ADCY2: variants seen among roughly 807,000 people sequenced by gnomAD.
ADCY2 encodes the protein adenylate cyclase 2.
Under a neutral mutation model 125.2 loss-of-function variants are expected in ADCY2, and 31 were observed. That is an observed-to-expected ratio of 0.25 (90% CI 0.19 to 0.33). The LOEUF (loss-of-function observed/expected upper bound fraction) is 0.33, where lower values mean the gene tolerates loss of function less well. Ranked by LOEUF, ADCY2 falls within the 10% of genes least tolerant of loss-of-function variation. The pLI is 1.00. For missense variants in ADCY2, 904 were observed against 1,418.2 expected, an observed-to-expected ratio of 0.64 and a Z score of 5.82; for synonymous variants, 512 against 548.4, an observed-to-expected ratio of 0.93 and a Z score of 0.93.
chr5:7,814,332 T>A (rs888473832), intron 22 of ADCY2, among the ~76,000 whole-genome samples: 2 of 152,156 alleles, frequency 1.3e-5, no homozygotes, highest in African/African-American at 4.8e-5. Flanking sequence ...GGAGCAATTT[T>A]ACTCCTCCCC....
intron 2 of ADCY2, among the ~76,000 whole-genome samples, chr5:7,436,814 A>G (rs981894969): frequency 6.6e-6 from 1 of 152,172 alleles, no homozygotes; most frequent in African/African-American, 2.4e-5. Context: ...CACTTTTGTG[A>G]TGGGAGTGGG....
intron 2 of ADCY2, among the ~76,000 whole-genome samples, chr5:7,493,759 A>G (rs1743249635): frequency 6.6e-6 from 1 of 152,176 alleles, no homozygotes; most frequent in Admixed American, 6.5e-5. Context: ...ATCACGGGAT[A>G]CAACAACTGC....
intron 5 of ADCY2, 91 bp downstream of exon 5, chr5:7,690,930 C>A: frequency 7.4e-7 from 1 of 1,350,394 alleles, no homozygotes; most frequent in South Asian, 1.9e-5. Context: ...ATCACCATCT[C>A]TCCTTTGTGA....
At chr5:7,590,583 G>A (rs1175401379) in intron 3 of ADCY2, among the ~76,000 whole-genome samples, 2 of 150,840 alleles carry the variant, frequency 1.3e-5, no homozygotes, top group Admixed American at 6.6e-5. Flanking sequence ...AAAAAAAAAA[G>A]CAAGACTTTT....
rs73046379 is a variant in ADCY2 at position 7,530,382 on chromosome 5, T to C, written c.570+9483T>C. Among the ~76,000 whole-genome samples the C allele has an allele frequency of 1.2e-3, 179 of 152,276 alleles. 3 individuals are homozygous for C. The highest frequency in any genetic ancestry group is 6.8e-3 in the Middle Eastern group (2 of 294). The stretch of plus-strand genomic sequence containing the variant: ...GTTGGATCATACATGTGTAAGACTG[T>C]CAGAGCCCAAGTCTGGTTCTGATTG... On this transcript the variant is annotated intron_variant, in intron 3 of 24. Coordinates refer to ENST00000338316, the MANE Select transcript of ADCY2 (RefSeq NM_020546.3).
intron 4 of ADCY2, among the ~76,000 whole-genome samples, chr5:7,658,431 GTATATATA>G (rs1554029046): frequency 1.4e-5 from 2 of 142,912 alleles, no homozygotes; most frequent in South Asian, 2.2e-4. Context: ...GTGTGTGTGT[GTATATATA>G]TATATATTTG....
At chr5:7,410,397 A>G (rs1479057906) in intron 1 of ADCY2, among the ~76,000 whole-genome samples, 11 of 152,210 alleles carry the variant, frequency 7.2e-5, no homozygotes, top group Admixed American at 7.2e-4. Flanking sequence ...TACTGCGTGG[A>G]AAAACATCTA....
intron 16 of ADCY2, among the ~76,000 whole-genome samples, chr5:7,757,820 C>T (rs1225998717): frequency 1.3e-5 from 2 of 152,182 alleles, no homozygotes; most frequent in African/African-American, 2.4e-5. Flanking sequence ...TTTGCAACAC[C>T]AGTTGCTGCC....
chr5:7,557,201 A>ATG, intron 3 of ADCY2, among the ~76,000 whole-genome samples: 1 of 140,064 alleles, frequency 7.1e-6, no homozygotes, highest in African/African-American at 2.6e-5. Flanking sequence ...TGATATATAT[A>ATG]ACTCAAGTGA....
At chr5:7,579,830 C>G (rs539664758) in intron 3 of ADCY2, among the ~76,000 whole-genome samples, 1 of 152,126 alleles carries the variant, frequency 6.6e-6, no homozygotes, top group South Asian at 2.1e-4. Flanking sequence ...TTTAAAGTGG[C>G]TATAACCACA....
intron 3 of ADCY2, among the ~76,000 whole-genome samples, chr5:7,524,376 C>G (rs1411071990): frequency 6.6e-6 from 1 of 152,156 alleles, no homozygotes; most frequent in Non-Finnish European, 1.5e-5. Flanking sequence ...GTACCATTCT[C>G]CTACATTAAC....
chr5:7,439,264 G>A (rs1442551974), intron 2 of ADCY2, among the ~76,000 whole-genome samples: 3 of 152,138 alleles, frequency 2.0e-5, no homozygotes, highest in Non-Finnish European at 4.4e-5. Flanking sequence ...GTTTTACCTG[G>A]CTGGGCAGGC....
chr5:7,734,070 A>G (rs547705167), intron 14 of ADCY2, among the ~76,000 whole-genome samples: 6 of 152,304 alleles, frequency 3.9e-5, no homozygotes, highest in South Asian at 2.1e-4. Context: ...ATTTCATGCT[A>G]ACTTATAATT....
At chr5:7,420,426 T>G (rs1202461782) in intron 2 of ADCY2, among the ~76,000 whole-genome samples, 1 of 152,040 alleles carries the variant, frequency 6.6e-6, no homozygotes, top group Non-Finnish European at 1.5e-5. Context: ...ACCCTGGGTG[T>G]GGGTCAACAA....
At chr5:7,577,421 T>C (rs982563587) in intron 3 of ADCY2, among the ~76,000 whole-genome samples, 1 of 152,232 alleles carries the variant, frequency 6.6e-6, no homozygotes, top group African/African-American at 2.4e-5. Context: ...AATTTACATA[T>C]GTATATGGGA....
At chr5:7,489,305 C>T (rs1266777393) in intron 2 of ADCY2, among the ~76,000 whole-genome samples, 1 of 152,182 alleles carries the variant, frequency 6.6e-6, no homozygotes, top group Non-Finnish European at 1.5e-5. Context: ...GACTATTGCA[C>T]CCTCCACTGT....
intron 3 of ADCY2, among the ~76,000 whole-genome samples, chr5:7,570,267 T>C (rs1046758320): frequency 1.3e-5 from 2 of 152,142 alleles, no homozygotes; most frequent in Non-Finnish European, 2.9e-5. Flanking sequence ...GCCTTGACTT[T>C]TGGACCAGAA....
At chr5:7,403,756 A>G (rs1257798324) in intron 1 of ADCY2, among the ~76,000 whole-genome samples, 2 of 152,190 alleles carry the variant, frequency 1.3e-5, no homozygotes, top group African/African-American at 4.8e-5. Context: ...GTGGTGTGTT[A>G]TAGAAATTGA....
chr5:7,743,277 C>T (rs1372410387), intron 14 of ADCY2, among the ~76,000 whole-genome samples: 2 of 151,908 alleles, frequency 1.3e-5, no homozygotes, highest in Admixed American at 6.6e-5. Flanking sequence ...GACTTCCAGG[C>T]TATCAAGGTG....
Sources: gnomAD v4.1 joint callset for allele counts (sites outside exome capture counted in the v4.1 genomes callset) on GRCh38, gnomAD v4.1.1 for gene constraint, MANE v1.5 for transcripts, NCBI Gene and HGNC (gene_info 2026-07-23, HGNC 2026-07-21) for gene names.